DOCK2: variants seen among roughly 807,000 people sequenced by gnomAD.
DOCK2 encodes the protein dedicator of cytokinesis 2.
A neutral mutation model predicts 248.9 loss-of-function variants in DOCK2; 87 were observed. The ratio of observed to expected loss-of-function variants is 0.35; its 90% CI spans 0.29 to 0.42. The LOEUF is 0.42. DOCK2 is among the 10% of genes least tolerant of loss of function. DOCK2 has a pLI of 1.00. For synonymous variants in DOCK2, 805 were observed against 821.6 expected, an observed-to-expected ratio of 0.98 and a Z score of 0.35; for missense variants, 1,747 against 2,300.2, an observed-to-expected ratio of 0.76 and a Z score of 4.92.
intron 27 of DOCK2, among the ~76,000 whole-genome samples, chr5:169,843,507 G>A (rs953446375): frequency 6.6e-6 from 1 of 152,222 alleles, no homozygotes; most frequent in African/African-American, 2.4e-5. Flanking sequence ...GGGTGATAGA[G>A]TGAGACTCCG....
chr5:169,752,673 A>G (rs1763963114), intron 23 of DOCK2, among the ~76,000 whole-genome samples: 3 of 152,108 alleles, frequency 2.0e-5, no homozygotes, highest in Admixed American at 2.0e-4. Flanking sequence ...CTGAGGCAGG[A>G]AGATCACTTG....
At chr5:169,711,873 G>T (rs1255455628) in intron 15 of DOCK2, 62 bp from the exon 16 acceptor site, 9 of 1,575,982 alleles carry the variant, frequency 5.7e-6, no homozygotes, top group Non-Finnish European at 7.8e-6. Context: ...AGTGTGTAGG[G>T]GGGTGCAGTG....
At chr5:169,908,657 G>A (rs1774421823) in intron 27 of DOCK2, among the ~76,000 whole-genome samples, 1 of 149,090 alleles carries the variant, frequency 6.7e-6, no homozygotes, top group Non-Finnish European at 1.5e-5. Flanking sequence ...AGTGAACTAT[G>A]TTTGTAGTTG....
intron 11 of DOCK2, among the ~76,000 whole-genome samples, chr5:169,699,165 G>A (rs1760811334): frequency 6.6e-6 from 1 of 152,146 alleles, no homozygotes; most frequent in African/African-American, 2.4e-5. Context: ...ATAAGAAATG[G>A]CCTCTACCTG....
chr5:169,983,142 C>T lies in DOCK2; in HGVS notation c.2874C>T (p.Thr958=), dbSNP rs758563743. The part of the protein sequence containing the change: ...GDQHYSFYIE[T]FQTSSELVDF... ...AGCACTACTCCTTCTACATTGAGAC[C>T]TTCCAGACCAGCTCTGAACTTGTGG... Residue 958 remains threonine, a synonymous_variant, in exon 28 of 52, where the codon ACC becomes ACT. Transcript: ENST00000520908. 8 of 1,614,064 alleles carry T rather than the reference C, an allele frequency of 5.0e-6. No individual in the cohort carries two copies. Among genetic ancestry groups the T allele is most frequent in the Non-Finnish European group, 6.8e-6 (8 of 1,179,912 alleles).
At chr5:169,953,135 A>T (rs1181798269) in intron 27 of DOCK2, among the ~76,000 whole-genome samples, 1 of 152,182 alleles carries the variant, frequency 6.6e-6, no homozygotes, top group Non-Finnish European at 1.5e-5. Flanking sequence ...CAGCCTGGCC[A>T]ACATGGCGAA....
chr5:169,851,424 G>A (rs921972220), intron 27 of DOCK2, among the ~76,000 whole-genome samples: 1 of 152,122 alleles, frequency 6.6e-6, no homozygotes. Flanking sequence ...AATTAAGAGG[G>A]AATATGAGGT....
intron 25 of DOCK2, among the ~76,000 whole-genome samples, chr5:169,772,400 TGATAA>T (rs1253234387): frequency 6.6e-6 from 1 of 152,228 alleles, no homozygotes; most frequent in East Asian, 1.9e-4. Flanking sequence ...TTTTTGTATT[TGATAA>T]TAACAGCACT....
chr5:169,680,231 A>G (rs1166757477), intron 6 of DOCK2, among the ~76,000 whole-genome samples: 1 of 152,234 alleles, frequency 6.6e-6, no homozygotes, highest in Admixed American at 6.5e-5. Flanking sequence ...CATTTGTAAA[A>G]TGGGGTTATT....
intron 23 of DOCK2, among the ~76,000 whole-genome samples, chr5:169,752,056 C>T (rs890481417): frequency 6.6e-6 from 1 of 152,228 alleles, no homozygotes. Flanking sequence ...CAATGGACCA[C>T]ATGCTCAGAA....
At chr5:169,731,601 C>T (rs1762774924) in intron 22 of DOCK2, among the ~76,000 whole-genome samples, 1 of 152,172 alleles carries the variant, frequency 6.6e-6, no homozygotes, top group Non-Finnish European at 1.5e-5. Context: ...CTCAAAGTAA[C>T]AGATGCTATA....
intron 7 of DOCK2, 91 bp from the exon 8 acceptor site, chr5:169,684,105 G>C: frequency 1.3e-6 from 2 of 1,510,248 alleles, no homozygotes; most frequent in South Asian, 1.3e-5. Context: ...CTTTAGGCTT[G>C]AACCCAATAT....
rs185580836 is a variant in DOCK2 at position 170,055,215 on chromosome 5, G to C, written c.4214-90G>C. The C allele has an allele frequency of 1.6e-3, 2,070 of 1,294,378 alleles. 27 individuals carry two copies. The highest frequency in any genetic ancestry group is 2.1e-4 in the Non-Finnish European group (187 of 897,952). The allele number at this position is 1,294,378 out of a possible 1,614,324, so 80.2% of individuals were successfully genotyped here. On this transcript the variant is annotated intron_variant, in intron 41 of 51. Transcript: ENST00000520908. ...TCAGTAAAAATGTGGCCCCATAAAG[G>C]CTGGCCTGGAAGGTCTCAGCAAGGA...
chr5:169,990,510 T>A (rs1401682902), intron 29 of DOCK2, among the ~76,000 whole-genome samples: 4 of 152,178 alleles, frequency 2.6e-5, no homozygotes, highest in Non-Finnish European at 5.9e-5. Flanking sequence ...TCCCAAATTA[T>A]GCAGAAAATG....
At chr5:169,839,415 T>A (rs995126782) in intron 26 of DOCK2, among the ~76,000 whole-genome samples, 6 of 151,576 alleles carry the variant, frequency 4.0e-5, no homozygotes, top group African/African-American at 1.5e-4. Context: ...ATAAGTGAGG[T>A]TGCACACCTG....
chr5:169,676,583 C>T (rs1759348053), intron 6 of DOCK2, among the ~76,000 whole-genome samples: 1 of 152,122 alleles, frequency 6.6e-6, no homozygotes, highest in South Asian at 2.1e-4. Flanking sequence ...TATCACTGGC[C>T]TGATAGTTTA....
At chr5:170,044,737 A>G (rs1186278800) in intron 38 of DOCK2, among the ~76,000 whole-genome samples, 2 of 152,042 alleles carry the variant, frequency 1.3e-5, no homozygotes, top group Non-Finnish European at 2.9e-5. Flanking sequence ...ACTTGGTTTT[A>G]TTTATTTTTA....
rs116433642 is a variant in DOCK2 at position 169,866,435 on chromosome 5, C to T, written c.2799+25583C>T. Among the ~76,000 whole-genome samples, 511 of 152,328 alleles carry T rather than the reference C, an allele frequency of 3.4e-3. 2 individuals are homozygous for T. Among genetic ancestry groups the T allele is most frequent in the Middle Eastern group, 6.8e-3 (2 of 294 alleles). On this transcript the variant is annotated intron_variant, in intron 27 of 51. Transcript: ENST00000520908. ...TCATCTGCAAAATGAGTAGTGCCTA[C>T]GCAAAGGACCTCAGTGAAGCTTAAA...
chr5:170,057,723 C>A, intron 44 of DOCK2, 57 bp downstream of exon 44: 5 of 1,477,586 alleles, frequency 3.4e-6, no homozygotes, highest in Non-Finnish European at 4.6e-6. Context: ...AGGGCACAGC[C>A]AGTCTCCAAA....
Sources: allele counts gnomAD v4.1 joint callset (sites outside exome capture counted in the v4.1 genomes callset), GRCh38; gene constraint gnomAD v4.1.1; transcripts MANE v1.5; gene names NCBI Gene and HGNC (gene_info 2026-07-23, HGNC 2026-07-21).